TMTC2: variants seen among roughly 807,000 people sequenced by gnomAD.
TMTC2 encodes protein O-mannosyl-transferase TMTC2.
Under a neutral mutation model 82.4 loss-of-function variants are expected in TMTC2, and 43 were observed. The ratio of observed to expected loss-of-function variants is 0.52; its 90% CI spans 0.41 to 0.67. The LOEUF (loss-of-function observed/expected upper bound fraction) is 0.67. Among genes scored for constraint, TMTC2 ranks in the 30% least tolerant of loss-of-function variants. The pLI, the probability that TMTC2 is intolerant of heterozygous loss-of-function variation, is 0.00. For synonymous variants in TMTC2, 408 were observed against 381.9 expected (o/e 1.07, Z -0.80); for missense variants, 919 against 1,012.4 (o/e 0.91, Z 1.25).
At chr12:82,710,678 C>T (rs541524142) in intron 1 of TMTC2, among the ~76,000 whole-genome samples, 59 of 152,224 alleles carry the variant, frequency 3.9e-4, no homozygotes, top group African/African-American at 1.4e-3. Context: ...TATTTCTTGT[C>T]GAAGAGAAAT....
At chr12:83,130,101 G>A (rs1000583740) in intron 11 of TMTC2, among the ~76,000 whole-genome samples, 2 of 152,174 alleles carry the variant, frequency 1.3e-5, no homozygotes, top group Non-Finnish European at 2.9e-5. Flanking sequence ...GTCTCCAACA[G>A]TGGTTCTCCC....
chr12:82,757,192 A>G (rs530504835), intron 1 of TMTC2, among the ~76,000 whole-genome samples: 2 of 152,328 alleles, frequency 1.3e-5, no homozygotes, highest in South Asian at 2.1e-4. Flanking sequence ...CTGGGAATCT[A>G]TTAGGAAGCA....
At chr12:82,844,167 C>A (rs1365934730) in intron 1 of TMTC2, among the ~76,000 whole-genome samples, 11 of 152,176 alleles carry the variant, frequency 7.2e-5, no homozygotes, top group Admixed American at 7.2e-4. Context: ...GATTCACAAT[C>A]AGTGTTCATA....
chr12:82,948,633 A>C lies in TMTC2; in HGVS notation c.1599-16391A>C, dbSNP rs572311487. ...TTTCATAATTTATTGCTTTAACAGC[A>C]GACTTTCATTAGTGCACTGCTGTTA... On this transcript the variant is annotated intron_variant, in intron 4 of 11. Transcript: ENST00000321196. 3.3e-5 allele frequency among the ~76,000 whole-genome samples: 5 copies of C among 152,332 alleles called. No individual in the cohort carries two copies. In the South Asian group the frequency reaches 1.0e-3, roughly 32 times the overall value.
chr12:82,775,754 A>T (rs11115414), intron 1 of TMTC2, among the ~76,000 whole-genome samples: 1 of 152,020 alleles, frequency 6.6e-6, no homozygotes, highest in African/African-American at 2.4e-5. Context: ...AATGATGCTC[A>T]TATTTCTTCC....
intron 7 of TMTC2, among the ~76,000 whole-genome samples, chr12:82,974,276 T>C (rs1878572967): frequency 6.6e-6 from 1 of 152,332 alleles, no homozygotes; most frequent in East Asian, 1.9e-4. Context: ...AAAAAGTATG[T>C]ATTGTAATCT....
At chr12:82,995,446 TGTTCACAA>T (rs1879577755) in intron 8 of TMTC2, among the ~76,000 whole-genome samples, 1 of 152,160 alleles carries the variant, frequency 6.6e-6, no homozygotes, top group Non-Finnish European at 1.5e-5. Context: ...GCCATGAACA[TGTTCACAA>T]GTTCATAAGG....
chr12:83,124,691 G>A (rs1885053289), intron 11 of TMTC2, among the ~76,000 whole-genome samples: 1 of 152,042 alleles, frequency 6.6e-6, no homozygotes, highest in South Asian at 2.1e-4. Context: ...GTTTCAGGTG[G>A]CTCAGACACA....
intron 1 of TMTC2, among the ~76,000 whole-genome samples, chr12:82,797,953 T>C (rs1457678940): frequency 6.7e-6 from 1 of 148,806 alleles, no homozygotes; most frequent in African/African-American, 2.5e-5. Flanking sequence ...TTTTTTTTTT[T>C]TTTGAGACGA....
At chr12:82,892,482 G>A (rs76511877) in intron 2 of TMTC2, among the ~76,000 whole-genome samples, 3 of 151,834 alleles carry the variant, frequency 2.0e-5, no homozygotes, top group South Asian at 2.1e-4. Context: ...TTAGAGATAC[G>A]TCTATGAAAA....
In TMTC2 at chr12:82,927,706, A is replaced by G. The variant is rs992120279; in HGVS notation, c.1484-2725A>G. Reference sequence around the variant, plus strand: ...TTAAGAAATTGTCACAGCCACTCCAACCTTCAGCAACCATCACCCTTACCA... The same window carrying G: ...TTAAGAAATTGTCACAGCCACTCCAGCCTTCAGCAACCATCACCCTTACCA... On this transcript the variant is annotated intron_variant, in intron 3 of 11. Transcript: ENST00000321196. 1.1e-3 allele frequency among the ~76,000 whole-genome samples: 175 copies of G among 152,288 alleles called. 1 individual carries two copies. Among genetic ancestry groups the G allele is most frequent in the African/African-American group, 3.9e-3 (164 of 41,556 alleles).
At chr12:82,936,550 G>A (rs1876328215) in intron 4 of TMTC2, among the ~76,000 whole-genome samples, 1 of 152,004 alleles carries the variant, frequency 6.6e-6, no homozygotes, top group East Asian at 1.9e-4. Context: ...TTATCAGATA[G>A]GCTTTAGTCT....
intron 3 of TMTC2, among the ~76,000 whole-genome samples, chr12:82,914,513 G>A (rs1217568373): frequency 3.3e-5 from 5 of 151,698 alleles, no homozygotes; most frequent in African/African-American, 1.2e-4. Flanking sequence ...GCAATCTTTA[G>A]GATTTTCATT....
At chr12:82,761,967 CTTTTT>C (rs55750088) in intron 1 of TMTC2, among the ~76,000 whole-genome samples, 4 of 74,622 alleles carry the variant, frequency 5.4e-5, no homozygotes, top group Non-Finnish European at 7.8e-5. Context: ...TTTCCCTTTC[CTTTTT>C]TTTTTTTTTT....
At chr12:82,702,876 G>T (rs904919988) in intron 1 of TMTC2, among the ~76,000 whole-genome samples, 1 of 152,132 alleles carries the variant, frequency 6.6e-6, no homozygotes, top group Non-Finnish European at 1.5e-5. Context: ...GTTGGGCAGG[G>T]TGGTGCACAC....
intron 1 of TMTC2, among the ~76,000 whole-genome samples, chr12:82,840,122 C>T (rs920631279): frequency 2.0e-5 from 3 of 152,200 alleles, no homozygotes; most frequent in African/African-American, 7.2e-5. Flanking sequence ...GCAGGTGAAT[C>T]ACTGTAACTG....
At chr12:82,994,412 G>C (rs1433294551) in intron 8 of TMTC2, among the ~76,000 whole-genome samples, 1 of 151,742 alleles carries the variant, frequency 6.6e-6, no homozygotes, top group African/African-American at 2.4e-5. Context: ...ATTACAACAG[G>C]CATGAGCTAC....
At chr12:82,717,135 T>C (rs2136921303) in intron 1 of TMTC2, among the ~76,000 whole-genome samples, 1 of 152,248 alleles carries the variant, frequency 6.6e-6, no homozygotes, top group Middle Eastern at 3.4e-3. Flanking sequence ...AGTTCTGTGA[T>C]AAAATTCTTT....
chr12:83,017,301 A>G (rs1393981455), intron 8 of TMTC2, among the ~76,000 whole-genome samples: 1 of 152,196 alleles, frequency 6.6e-6, no homozygotes, highest in African/African-American at 2.4e-5. Flanking sequence ...GAATTAGGGT[A>G]ACTGTAGACT....
Sources: allele counts gnomAD v4.1 joint callset (sites outside exome capture counted in the v4.1 genomes callset), GRCh38; gene constraint gnomAD v4.1.1; transcripts MANE v1.5; gene names NCBI Gene and HGNC (gene_info 2026-07-23, HGNC 2026-07-21).